Variants in ATXN7L1 observed in about 807,000 individuals in gnomAD.
ATXN7L1 encodes ataxin-7-like protein 1.
A neutral mutation model predicts 70.8 loss-of-function variants in ATXN7L1; 15 were observed. That is an observed-to-expected ratio of 0.21 (90% CI 0.14 to 0.33). The LOEUF (loss-of-function observed/expected upper bound fraction) is 0.33. Among genes scored for constraint, ATXN7L1 ranks in the 10% least tolerant of loss-of-function variants. ATXN7L1 has a pLI of 1.00. For missense variants in ATXN7L1, 975 were observed against 1,097.1 expected, an observed-to-expected ratio of 0.89 and a Z score of 1.57; for synonymous variants, 440 against 445.1, an observed-to-expected ratio of 0.99 and a Z score of 0.14.
chr7:105,733,568 TTCCA>T lies in ATXN7L1; in HGVS notation c.355+55032_355+55035del, dbSNP rs1796889025. Reference sequence around the variant, plus strand: ...CATCCATCCATCCACCCATCCATCCTTCCATCCATCCACCCATCCATCCATCCAT... The same window carrying T: ...CATCCATCCATCCACCCATCCATCCTTCCATCCACCCATCCATCCATCCAT... On this transcript the variant is annotated intron_variant, in intron 3 of 11. Coordinates refer to ENST00000419735, the MANE Select transcript of ATXN7L1 (RefSeq NM_020725.2). Among the ~76,000 whole-genome samples the T allele has an allele frequency of 3.5e-4, 9 of 25,944 alleles. 1 individual carries two copies. The highest frequency in any genetic ancestry group is 2.3e-4 in the Non-Finnish European group (3 of 13,192). The allele number at this position is 25,944 out of a possible 152,430, so 17.0% of individuals were successfully genotyped here. A position where few individuals can be genotyped will look rare whatever the true frequency, so the allele number is the denominator to read the frequency against.
At chr7:105,875,626 T>C (rs62482807) in intron 2 of ATXN7L1, among the ~76,000 whole-genome samples, 186 bp downstream of exon 2, 14,511 of 59,602 alleles carry the variant, frequency 0.24, 956 homozygotes, top group Middle Eastern at 0.41. Flanking sequence ...CACCCCCCTT[T>C]ACCCCCCCCC....
intron 2 of ATXN7L1, among the ~76,000 whole-genome samples, chr7:105,791,360 A>G (rs1805205294): frequency 6.6e-6 from 1 of 151,852 alleles, no homozygotes; most frequent in Admixed American, 6.6e-5. Flanking sequence ...GCTGGAGGGG[A>G]GCGTTATTAG....
rs139766738 is a variant in ATXN7L1, at chr7:105,856,803, A to ATGTG, written c.250+19005_250+19008dup. Among the ~76,000 whole-genome samples, 234 of 149,332 alleles carry ATGTG rather than the reference A, an allele frequency of 1.6e-3. 2 individuals are homozygous for ATGTG. The highest frequency in any genetic ancestry group is 5.6e-3 in the African/African-American group (227 of 40,834). On this transcript the variant is annotated intron_variant, in intron 2 of 11. Coordinates refer to ENST00000419735, the MANE Select transcript of ATXN7L1 (RefSeq NM_020725.2). Reference sequence around the variant, plus strand: ...AGCAGCACCCAAAAAGTGTGTGTGTATGTGTGTGTGTGTGTGTGTGAGACA... The same window carrying ATGTG: ...AGCAGCACCCAAAAAGTGTGTGTGTATGTGTGTGTGTGTGTGTGTGTGTGAGACA...
At chr7:105,805,121 G>T (rs1807370168) in intron 2 of ATXN7L1, among the ~76,000 whole-genome samples, 1 of 152,242 alleles carries the variant, frequency 6.6e-6, no homozygotes. Flanking sequence ...GTGAGCTGAT[G>T]TAGTGAAGGG....
At chr7:105,843,154 T>C (rs1005214239) in intron 2 of ATXN7L1, among the ~76,000 whole-genome samples, 1 of 152,160 alleles carries the variant, frequency 6.6e-6, no homozygotes, top group Non-Finnish European at 1.5e-5. Flanking sequence ...CTTTGGTCAT[T>C]TCCTATGTTC....
chr7:105,684,211 C>T (rs531407654), intron 3 of ATXN7L1, among the ~76,000 whole-genome samples: 6 of 152,320 alleles, frequency 3.9e-5, no homozygotes, highest in African/African-American at 9.6e-5. Context: ...CCCATGTCTG[C>T]GTTGTGGGAG....
At position 105,638,698 on chromosome 7, in the gene ATXN7L1, A is replaced by G. The variant is rs149429654; in HGVS notation, c.946-89T>C. ...CCCTCCATTTCAGAAATAGCAATTC[A>G]TGGAAATTTAGAGGTGCTTGAAAAG... On this transcript the variant is annotated intron_variant, in intron 6 of 11. Coordinates refer to ENST00000419735, the MANE Select transcript of ATXN7L1 (RefSeq NM_020725.2). 8.6e-5 allele frequency: 123 copies of G among 1,437,774 alleles called. No individual in the cohort carries two copies. The East Asian group carries it at 3.0e-3, about 36-fold the overall frequency. 89.1% of individuals were successfully genotyped at this position (1,437,774 alleles called of 1,614,324 possible).
chr7:105,788,804 C>A, intron 2 of ATXN7L1, 96 bp from the exon 3 acceptor site: 1 of 961,530 alleles, frequency 1.0e-6, no homozygotes, highest in South Asian at 1.4e-5. Flanking sequence ...GACAGTTTTT[C>A]AAACACAACA....
In ATXN7L1 at chr7:105,702,547, C is replaced by G. The variant is rs1047488556; in HGVS notation, c.356-37259G>C. ...CCCTTACACACACACAGACCCACAA[C>G]ACACACACACACACACAGACACACA... On this transcript the variant is annotated intron_variant, in intron 3 of 11. Coordinates refer to ENST00000419735, the MANE Select transcript of ATXN7L1 (RefSeq NM_020725.2). Among the ~76,000 whole-genome samples, 13 of 47,098 alleles carry G rather than the reference C, an allele frequency of 2.8e-4. No homozygotes were observed. The African/African-American group carries it at 2.9e-3, about 11-fold the overall frequency. 30.9% of individuals were successfully genotyped at this position (47,098 alleles called of 152,430 possible). A position where few individuals can be genotyped will look rare whatever the true frequency, so the allele number is the denominator to read the frequency against.
Position 105,733,517 on chromosome 7 carries a change from C to CCCAT in ATXN7L1, c.355+55083_355+55086dup, listed in dbSNP as rs1358136231. Among the ~76,000 whole-genome samples the CCCAT allele has an allele frequency of 2.1e-4, 11 of 52,556 alleles. 2 individuals carry two copies. The highest frequency in any genetic ancestry group is 3.5e-4 in the African/African-American group (3 of 8,496). 34.5% of individuals were successfully genotyped at this position (52,556 alleles called of 152,430 possible). A position where few individuals can be genotyped will look rare whatever the true frequency, so the allele number is the denominator to read the frequency against. On this transcript the variant is annotated intron_variant, in intron 3 of 11. Transcript: ENST00000419735. ...ACCCATCCATCCTTCCATCCATCCA[C>CCCAT]CCATCCATCCATCCATCCATCCACC...
At chr7:105,740,393 T>A (rs1797864945) in intron 3 of ATXN7L1, among the ~76,000 whole-genome samples, 4 of 152,180 alleles carry the variant, frequency 2.6e-5, no homozygotes, top group African/African-American at 9.7e-5. Flanking sequence ...CAATGTGCAC[T>A]CTCTGGGGCT....
Position 105,866,864 on chromosome 7 carries a change from C to T in ATXN7L1, c.250+8948G>A, listed in dbSNP as rs562844547. On this transcript the variant is annotated intron_variant, in intron 2 of 11. Transcript: ENST00000419735. ...GTCTCCAGATGTGAATAGTGGGCCA[C>T]CTCAGTGTGTGGGGTCCTTAGAGAA... is the stretch of plus-strand genomic sequence containing the variant. 5.3e-5 allele frequency among the ~76,000 whole-genome samples: 8 copies of T among 152,286 alleles called. No homozygotes were observed. In the East Asian group the frequency reaches 1.5e-3, roughly 29 times the overall value.
chr7:105,674,611 T>C (rs2116124465), intron 3 of ATXN7L1, among the ~76,000 whole-genome samples: 1 of 152,216 alleles, frequency 6.6e-6, no homozygotes, highest in South Asian at 2.1e-4. Context: ...CTTTCTACCA[T>C]GCCACCCTGC....
intron 7 of ATXN7L1, among the ~76,000 whole-genome samples, chr7:105,631,233 G>A (rs1409821908): frequency 6.6e-6 from 1 of 152,150 alleles, no homozygotes; most frequent in Admixed American, 6.5e-5. Flanking sequence ...AAGAAAACAG[G>A]ATGTGGCTGG....
intron 3 of ATXN7L1, among the ~76,000 whole-genome samples, chr7:105,719,149 G>A (rs1338754715): frequency 2.6e-5 from 4 of 152,168 alleles, no homozygotes; most frequent in African/African-American, 9.7e-5. Flanking sequence ...ATGAAGGGAA[G>A]CAAAGGAAAG....
chr7:105,716,451 G>T (rs614260), intron 3 of ATXN7L1, among the ~76,000 whole-genome samples: 79,338 of 151,810 alleles, frequency 0.52, 22,629 homozygotes, highest in African/African-American at 0.76. Flanking sequence ...CTTTTTAGAT[G>T]CTGGCCCAGA....
At chr7:105,804,807 G>C (rs1807323412) in intron 2 of ATXN7L1, among the ~76,000 whole-genome samples, 1 of 152,172 alleles carries the variant, frequency 6.6e-6, no homozygotes, top group Admixed American at 6.5e-5. Context: ...AGCTCAAAGA[G>C]GTTAAGCTAT....
intron 4 of ATXN7L1, among the ~76,000 whole-genome samples, chr7:105,663,288 C>T (rs1584595402): frequency 6.6e-6 from 1 of 152,296 alleles, no homozygotes; most frequent in African/African-American, 2.4e-5. Flanking sequence ...ACAAAGCTTG[C>T]CCACGAGGCC....
At chr7:105,812,934 C>G (rs1292053442) in intron 2 of ATXN7L1, among the ~76,000 whole-genome samples, 1 of 152,086 alleles carries the variant, frequency 6.6e-6, no homozygotes, top group Non-Finnish European at 1.5e-5. Context: ...CCTGGGAGGT[C>G]AAGGCTGCAG....
Sources: gnomAD v4.1 joint callset for allele counts (sites outside exome capture counted in the v4.1 genomes callset) on GRCh38, gnomAD v4.1.1 for gene constraint, MANE v1.5 for transcripts, NCBI Gene and HGNC (gene_info 2026-07-23, HGNC 2026-07-21) for gene names.